LURAP1L: variants seen among roughly 807,000 people sequenced by gnomAD.
LURAP1L encodes the protein leucine rich adaptor protein 1 like, also known as leucine rich adaptor protein 1-like.
Under a neutral mutation model 13.8 loss-of-function variants are expected in LURAP1L, and 12 were observed. The ratio of observed to expected loss-of-function variants is 0.87; its 90% CI spans 0.56 to 1.41. The LOEUF (loss-of-function observed/expected upper bound fraction) is 1.41. Ranked by LOEUF, LURAP1L falls within the 40% of genes most tolerant of loss-of-function variation. The pLI, the probability that LURAP1L is intolerant of heterozygous loss-of-function variation, is 0.00. For missense variants in LURAP1L, 375 were observed against 292.9 expected, an observed-to-expected ratio of 1.28 and a Z score of -2.04; for synonymous variants, 139 against 119.2, an observed-to-expected ratio of 1.17 and a Z score of -1.08.
intron 1 of LURAP1L, among the ~76,000 whole-genome samples, chr9:12,811,881 T>C (rs953320922): frequency 6.6e-6 from 1 of 152,204 alleles, no homozygotes; most frequent in Non-Finnish European, 1.5e-5. Context: ...TCAAGGTGCC[T>C]TGATGAGGCT....
chr9:12,815,787 T>C (rs539065718), intron 1 of LURAP1L, among the ~76,000 whole-genome samples: 1 of 152,302 alleles, frequency 6.6e-6, no homozygotes, highest in South Asian at 2.1e-4. Context: ...ATTCAGCAGC[T>C]CATGTGCACA....
chr9:12,789,087 C>CT (rs968711827), intron 1 of LURAP1L, among the ~76,000 whole-genome samples: 6 of 136,020 alleles, frequency 4.4e-5, no homozygotes, highest in African/African-American at 1.8e-4. Context: ...CCCAGCACCC[C>CT]CCCAAAAAAA....
At chr9:12,820,306 C>A (rs1212781086) in intron 1 of LURAP1L, among the ~76,000 whole-genome samples, 4 of 152,094 alleles carry the variant, frequency 2.6e-5, no homozygotes, top group Admixed American at 2.0e-4. Flanking sequence ...AGTTTGAGAC[C>A]ATCCTGGCCA....
intron 1 of LURAP1L, among the ~76,000 whole-genome samples, chr9:12,798,163 A>G (rs1323070566): frequency 3.9e-5 from 6 of 152,186 alleles, no homozygotes; most frequent in African/African-American, 1.4e-4. Flanking sequence ...TAAGTGTAAT[A>G]TTAGGATAGG....
intron 1 of LURAP1L, among the ~76,000 whole-genome samples, chr9:12,784,245 G>C (rs759873396): frequency 2.0e-4 from 30 of 152,108 alleles, no homozygotes; most frequent in Non-Finnish European, 3.7e-4. Context: ...AAATGATCTT[G>C]ATGCTTTTGA....
chr9:12,812,561 C>T (rs182421267), intron 1 of LURAP1L, among the ~76,000 whole-genome samples: 5 of 152,144 alleles, frequency 3.3e-5, no homozygotes, highest in Admixed American at 2.0e-4. Context: ...CTGCACATAG[C>T]GTGTAGGAAA....
chr9:12,796,186 A>C (rs750070028), intron 1 of LURAP1L, among the ~76,000 whole-genome samples: 1 of 151,984 alleles, frequency 6.6e-6, no homozygotes. Flanking sequence ...CTGTATGTTC[A>C]TAATGGTTTC....
chr9:12,795,950 A>G (rs1322687295), intron 1 of LURAP1L, among the ~76,000 whole-genome samples: 1 of 152,058 alleles, frequency 6.6e-6, no homozygotes, highest in African/African-American at 2.4e-5. Flanking sequence ...AGAAAGTGAG[A>G]AGATTCTACT....
At chr9:12,790,744 A>AG (rs1456179846) in intron 1 of LURAP1L, 1 of 148,352 alleles carries the variant, frequency 6.7e-6, no homozygotes, top group African/African-American at 2.5e-5. Context: ...GAAAGGCAGT[A>AG]GTTTTTTTTT....
rs575730989 is a variant in LURAP1L at position 12,802,560 on chromosome 9, G to A, written c.313-18826G>A. On this transcript the variant is annotated intron_variant, in intron 1 of 1. Transcript: ENST00000319264. ...GAGCAGATACCAGCTTCAGCTTCCTGTGCAGCCTTCGGAACCATGATCCAA... is the reference window on the plus strand; with the variant it reads ...GAGCAGATACCAGCTTCAGCTTCCTATGCAGCCTTCGGAACCATGATCCAA... Among the ~76,000 whole-genome samples, 10 of 152,252 alleles carry A rather than the reference G, an allele frequency of 6.6e-5. No homozygotes were observed. The South Asian group carries it at 2.1e-3, about 32-fold the overall frequency.
intron 1 of LURAP1L, among the ~76,000 whole-genome samples, chr9:12,816,686 C>G (rs569692645): frequency 6.6e-6 from 1 of 152,188 alleles, no homozygotes; most frequent in Non-Finnish European, 1.5e-5. Context: ...ACCATAGACT[C>G]AGTTCATCAC....
intron 1 of LURAP1L, among the ~76,000 whole-genome samples, chr9:12,799,700 G>A (rs970062803): frequency 3.3e-5 from 5 of 152,072 alleles, no homozygotes; most frequent in Admixed American, 2.6e-4. Flanking sequence ...CTAACATGGT[G>A]AAACCTCATC....
rs1819899275 is a variant in LURAP1L, at chr9:12,822,794, A to C, written c.*1034A>C. On this transcript the variant is annotated 3_prime_UTR_variant, in exon 2 of 2. Coordinates refer to ENST00000319264, the MANE Select transcript of LURAP1L (RefSeq NM_203403.2). ...GACAGTGGATATTTACTTTAAATAT[A>C]ATGTTATTAATCCTCTGCATTTCTT... Among the ~76,000 whole-genome samples the C allele has an allele frequency of 6.6e-6, 1 of 152,178 alleles. No homozygotes were observed. The highest frequency in any genetic ancestry group is 1.5e-5 in the Non-Finnish European group (1 of 68,024).
At chr9:12,808,314 A>T (rs976459550) in intron 1 of LURAP1L, among the ~76,000 whole-genome samples, 1 of 152,092 alleles carries the variant, frequency 6.6e-6, no homozygotes, top group Non-Finnish European at 1.5e-5. Context: ...AGTATTTACT[A>T]CTTCACTTTA....
chr9:12,786,574 A>ATATATG (rs1554657251), intron 1 of LURAP1L, among the ~76,000 whole-genome samples: 7 of 128,790 alleles, frequency 5.4e-5, no homozygotes, highest in South Asian at 5.4e-4. Flanking sequence ...ATATATATAT[A>ATATATG]TATATATAAA....
In LURAP1L at chr9:12,821,399, C is replaced by G. The variant is rs766138642; in HGVS notation, c.326C>G (p.Ala109Gly). The G allele has an allele frequency of 1.2e-5, 20 of 1,613,118 alleles. No individual in the cohort carries two copies. The highest frequency in any genetic ancestry group is 1.6e-5 in the Non-Finnish European group (19 of 1,179,194). The change falls in exon 2 of 2, where the codon GCC becomes GGC. Residue 109 changes from alanine (A) to glycine (G), a missense_variant. Coordinates refer to ENST00000319264, the MANE Select transcript of LURAP1L (RefSeq NM_203403.2). The stretch of plus-strand genomic sequence containing the variant: ...CTTTGTCCATAGGTTAACCTCAGAG[C>G]CACAGACGTCAGGCTCATGCGCCAG... ...LLRQEMVNLR[A>G]TDVRLMRQLL...
chr9:12,792,182 T>C (rs1819449444), intron 1 of LURAP1L, among the ~76,000 whole-genome samples: 1 of 152,142 alleles, frequency 6.6e-6, no homozygotes, highest in Non-Finnish European at 1.5e-5. Context: ...TTTGGGACTA[T>C]ACATGGTATT....
chr9:12,792,518 G>A (rs1819454358), intron 1 of LURAP1L, among the ~76,000 whole-genome samples: 1 of 152,004 alleles, frequency 6.6e-6, no homozygotes, highest in Non-Finnish European at 1.5e-5. Context: ...TACAATATTT[G>A]CAGCATATAT....
In LURAP1L at chr9:12,775,557, T is replaced by G. The variant is rs1234158764; in HGVS notation, c.-159T>G. ...CGTCCTGTGCGGATTTCAGGGCTGA[T>G]ACCGCATAGGCGGTTATGGAAAGGA... is the stretch of plus-strand genomic sequence containing the variant. On this transcript the variant is annotated 5_prime_UTR_variant, in exon 1 of 2. Coordinates refer to ENST00000319264, the MANE Select transcript of LURAP1L (RefSeq NM_203403.2). 5 of 1,228,858 alleles carry G rather than the reference T, an allele frequency of 4.1e-6. No individual in the cohort carries two copies. In the African/African-American group the frequency reaches 7.8e-5, roughly 19 times the overall value. The allele number at this position is 1,228,858 out of a possible 1,614,324, so 76.1% of individuals were successfully genotyped here.
Sources: gnomAD v4.1 joint callset for allele counts (sites outside exome capture counted in the v4.1 genomes callset) on GRCh38, gnomAD v4.1.1 for gene constraint, MANE v1.5 for transcripts, NCBI Gene and HGNC (gene_info 2026-07-23, HGNC 2026-07-21) for gene names.